Variants in TMEM232 observed in about 807,000 individuals in gnomAD.
TMEM232 encodes the protein transmembrane protein 232.
TMEM232 carries 80 observed loss-of-function variants against 78.8 expected under a neutral mutation model. That is an observed-to-expected ratio of 1.01 (90% CI 0.85 to 1.22). TMEM232 has a LOEUF of 1.22. TMEM232 is among the 50% of genes most tolerant of loss of function. TMEM232 has a pLI of 0.00. For missense variants in TMEM232, 881 were observed against 742.2 expected (o/e 1.19, Z -2.17); for synonymous variants, 297 against 254.3 (o/e 1.17, Z -1.60).
intron 12 of TMEM232, among the ~76,000 whole-genome samples, chr5:110,460,440 A>G (rs1006990635): frequency 2.6e-5 from 4 of 152,142 alleles, no homozygotes; most frequent in African/African-American, 9.7e-5. Context: ...TATGCTTGAA[A>G]TTGTATTAAA....
chr5:110,493,145 T>C (rs1765289870), intron 12 of TMEM232, among the ~76,000 whole-genome samples: 1 of 151,996 alleles, frequency 6.6e-6, no homozygotes, highest in African/African-American at 2.4e-5. Context: ...CATAAGCTAA[T>C]CCTTATGAAG....
intron 12 of TMEM232, among the ~76,000 whole-genome samples, chr5:110,465,090 G>C (rs1450439360): frequency 6.6e-6 from 1 of 152,194 alleles, no homozygotes; most frequent in Non-Finnish European, 1.5e-5. Context: ...ACTACCAAAT[G>C]ATCTTCAATG....
chr5:110,633,944 C>A (rs1785476780), intron 5 of TMEM232, among the ~76,000 whole-genome samples: 2 of 152,056 alleles, frequency 1.3e-5, no homozygotes, highest in South Asian at 4.2e-4. Context: ...TTGTATGCTG[C>A]CTATAAGAAA....
chr5:110,464,651 G>C (rs1380729349), intron 12 of TMEM232, among the ~76,000 whole-genome samples: 4 of 152,166 alleles, frequency 2.6e-5, no homozygotes, highest in Non-Finnish European at 5.9e-5. Flanking sequence ...AGGGAAATTT[G>C]ACACCACTAA....
At position 110,404,459 on chromosome 5, in the gene TMEM232, A is replaced by G. The variant is rs1268495157; in HGVS notation, n.309-6605T>C. On this transcript the variant is annotated intron_variant and non_coding_transcript_variant, in intron 2 of 8. Transcript: ENST00000507188. Reference sequence around the variant, plus strand: ...TCTATCTTGCTGTCTCCTTGGTTTTAAAAACTCTACTCTGAAAAAAGTGTT... The same window carrying G: ...TCTATCTTGCTGTCTCCTTGGTTTTGAAAACTCTACTCTGAAAAAAGTGTT... 2.0e-5 allele frequency among the ~76,000 whole-genome samples: 3 copies of G among 152,086 alleles called. No individual in the cohort carries two copies. In the East Asian group the frequency reaches 5.8e-4, roughly 29 times the overall value.
Position 110,567,388 on chromosome 5 carries a change from C to T in TMEM232, c.1455+1059G>A, listed in dbSNP as rs116109582. ...AATATTTAAAGGGAACCCATTTGGA[C>T]TGTTAATTCAACCTATATTTATTGA... On this transcript the variant is annotated intron_variant, in intron 11 of 13. Transcript: ENST00000455884. Among the ~76,000 whole-genome samples, 325 of 151,516 alleles carry T rather than the reference C, an allele frequency of 2.1e-3. 2 individuals are homozygous for T. Among genetic ancestry groups the T allele is most frequent in the African/African-American group, 7.5e-3 (309 of 41,344 alleles).
intron 12 of TMEM232, among the ~76,000 whole-genome samples, chr5:110,483,450 T>C (rs1764114286): frequency 6.6e-6 from 1 of 152,142 alleles, no homozygotes. Flanking sequence ...TTCAACCATT[T>C]TGGAAATAAG....
chr5:110,716,132 G>C (rs745756173), intron 1 of TMEM232, among the ~76,000 whole-genome samples: 3 of 151,978 alleles, frequency 2.0e-5, no homozygotes, highest in African/African-American at 7.3e-5. Flanking sequence ...ACCACCTTGG[G>C]CACATATTCT....
At chr5:110,389,533 A>C (rs2099060) in intron 4 of TMEM232, among the ~76,000 whole-genome samples, 42,455 of 152,104 alleles carry the variant, frequency 0.28, 10,528 homozygotes, top group African/African-American at 0.66. Flanking sequence ...AACCTCGGTG[A>C]AAAATTTGTG....
At chr5:110,576,358 C>T (rs1454528049) in intron 10 of TMEM232, among the ~76,000 whole-genome samples, 2 of 151,982 alleles carry the variant, frequency 1.3e-5, no homozygotes, top group Non-Finnish European at 2.9e-5. Context: ...AGGAGAACTA[C>T]AAACCACTGC....
chr5:110,395,317 T>C lies in TMEM232; in HGVS notation n.390+2456A>G, dbSNP rs970647802. Among the ~76,000 whole-genome samples, 10 of 152,294 alleles carry C rather than the reference T, an allele frequency of 6.6e-5. 1 individual carries two copies. In the East Asian group the frequency reaches 7.7e-4, roughly 12 times the overall value. ...ACACATTTTTCAGGATTTTTACTGA[T>C]CTTCTGTGTGAACAGAAAAGTCTGT... On this transcript the variant is annotated intron_variant and non_coding_transcript_variant, in intron 3 of 8. Transcript: ENST00000507188.
intron 12 of TMEM232, among the ~76,000 whole-genome samples, chr5:110,512,920 TTCTTTA>T (rs1433294190): frequency 6.6e-6 from 1 of 152,232 alleles, no homozygotes; most frequent in Non-Finnish European, 1.5e-5. Flanking sequence ...ATTTTTAAGA[TTCTTTA>T]TCACATCATG....
chr5:110,629,479 C>A (rs1784845929), intron 5 of TMEM232, among the ~76,000 whole-genome samples: 1 of 152,014 alleles, frequency 6.6e-6, no homozygotes, highest in South Asian at 2.1e-4. Context: ...ACTGGACTTT[C>A]TATGTATTGT....
intron 2 of TMEM232, among the ~76,000 whole-genome samples, chr5:110,404,190 T>A (rs879702622): frequency 6.6e-6 from 1 of 152,074 alleles, no homozygotes; most frequent in Non-Finnish European, 1.5e-5. Context: ...GCTTAACTTA[T>A]AATGTCAAAT....
At chr5:110,662,039 G>C (rs368603799) in intron 2 of TMEM232, among the ~76,000 whole-genome samples, 1 of 152,006 alleles carries the variant, frequency 6.6e-6, no homozygotes, top group African/African-American at 2.4e-5. Flanking sequence ...ATATATTCTG[G>C]TTAATAGTCC....
chr5:110,646,789 G>A (rs148983953), intron 2 of TMEM232, among the ~76,000 whole-genome samples: 2,725 of 151,866 alleles, frequency 0.018, 29 homozygotes, highest in Admixed American at 0.024. Flanking sequence ...CCATGTATCT[G>A]AGAAGGTGCT....
chr5:110,446,334 G>A (rs1213184762), intron 12 of TMEM232, among the ~76,000 whole-genome samples: 1 of 152,122 alleles, frequency 6.6e-6, no homozygotes, highest in East Asian at 1.9e-4. Flanking sequence ...AAAATGAAAT[G>A]ATCAGAATTC....
chr5:110,668,334 G>A (rs571942254), intron 1 of TMEM232, among the ~76,000 whole-genome samples: 14 of 152,258 alleles, frequency 9.2e-5, no homozygotes, highest in Middle Eastern at 3.4e-3. Context: ...CTTTAAGTGA[G>A]AAATGCAGCT....
intron 12 of TMEM232, among the ~76,000 whole-genome samples, chr5:110,481,966 T>C (rs1274771074): frequency 5.9e-5 from 9 of 152,222 alleles, no homozygotes; most frequent in Non-Finnish European, 1.3e-4. Flanking sequence ...TATCCCAAAA[T>C]AATAAGAACC....
Sources: gnomAD v4.1 joint callset for allele counts (sites outside exome capture counted in the v4.1 genomes callset) on GRCh38, gnomAD v4.1.1 for gene constraint, MANE v1.5 for transcripts, NCBI Gene and HGNC (gene_info 2026-07-23, HGNC 2026-07-21) for gene names.